The following ECT2L variants were observed in gnomAD, a reference collection of about 807,000 sequenced individuals.
ECT2L encodes epithelial cell-transforming sequence 2 oncogene-like.
Under a neutral mutation model 122.8 loss-of-function variants are expected in ECT2L, and 126 were observed. The ratio of observed to expected loss-of-function variants is 1.03; its 90% confidence interval spans 0.89 to 1.19. The LOEUF is 1.19. ECT2L is among the 50% of genes most tolerant of loss of function. ECT2L has a pLI of 0.00. For synonymous variants in ECT2L, 385 were observed against 381.8 expected (o/e 1.01, Z -0.10); for missense variants, 1,012 against 1,064.1 (o/e 0.95, Z 0.68).
chr6:138,875,117 C>T (rs563011556), intron 13 of ECT2L, among the ~76,000 whole-genome samples: 1 of 152,254 alleles, frequency 6.6e-6, no homozygotes, highest in Admixed American at 6.5e-5. Context: ...AGATCTCCTC[C>T]CTGGCTCCAA....
At chr6:138,882,559 C>T (rs1778677659) in intron 15 of ECT2L, among the ~76,000 whole-genome samples, 165 bp from the exon 16 acceptor site, 1 of 152,210 alleles carries the variant, frequency 6.6e-6, no homozygotes, top group South Asian at 2.1e-4. Context: ...TCCCAGTTCC[C>T]TTTCCTGTCA....
chr6:138,852,673 T>C (rs1777489875), intron 9 of ECT2L, among the ~76,000 whole-genome samples: 1 of 152,188 alleles, frequency 6.6e-6, no homozygotes, highest in South Asian at 2.1e-4. Flanking sequence ...ACCTTACTTC[T>C]GGTTTTCCTT....
At chr6:138,834,873 G>A (rs1776767292) in intron 4 of ECT2L, among the ~76,000 whole-genome samples, 1 of 148,670 alleles carries the variant, frequency 6.7e-6, no homozygotes, top group South Asian at 2.1e-4. Context: ...TACAGGCCCG[G>A]CTCCATTCTT....
intron 14 of ECT2L, among the ~76,000 whole-genome samples, chr6:138,877,188 G>T (rs1296894836): frequency 6.6e-6 from 1 of 152,108 alleles, no homozygotes; most frequent in Non-Finnish European, 1.5e-5. Context: ...CTTCCCTAAG[G>T]CCAGACAATT....
intron 1 of ECT2L, among the ~76,000 whole-genome samples, chr6:138,803,701 T>A (rs1775619132): frequency 6.6e-6 from 1 of 152,160 alleles, no homozygotes; most frequent in African/African-American, 2.4e-5. Context: ...AAATACTAAA[T>A]CACTTGTAAA....
At chr6:138,823,520 T>C in intron 4 of ECT2L, 13 of 1,585,214 alleles carry the variant, frequency 8.2e-6, no homozygotes, top group Non-Finnish European at 1.1e-5. Flanking sequence ...CTTATAACAT[T>C]GTCAAGTTCT....
intron 11 of ECT2L, among the ~76,000 whole-genome samples, chr6:138,863,984 G>T (rs1360826220): frequency 3.2e-5 from 3 of 94,612 alleles, no homozygotes; most frequent in African/African-American, 4.2e-5. Context: ...TCCCTCTCTT[G>T]TTCTCATTCT....
intron 5 of ECT2L, 28 bp downstream of exon 5, chr6:138,838,542 AG>A: frequency 6.3e-7 from 1 of 1,597,362 alleles, no homozygotes; most frequent in African/African-American, 1.3e-5. Context: ...TCCTAGTAAT[AG>A]GGCACAAGTA....
chr6:138,870,976 C>T (rs1778232774), intron 13 of ECT2L, among the ~76,000 whole-genome samples: 1 of 152,118 alleles, frequency 6.6e-6, no homozygotes, highest in South Asian at 2.1e-4. Flanking sequence ...CGGGGAGGTT[C>T]AGTGAGCAGA....
At chr6:138,842,673 G>A (rs867678082) in intron 5 of ECT2L, among the ~76,000 whole-genome samples, 4 of 151,832 alleles carry the variant, frequency 2.6e-5, no homozygotes, top group African/African-American at 7.3e-5. Flanking sequence ...TCTGGAGGCT[G>A]AGGCAGGAGA....
chr6:138,810,609 A>G (rs914061347), intron 1 of ECT2L, among the ~76,000 whole-genome samples: 1 of 152,182 alleles, frequency 6.6e-6, no homozygotes, highest in African/African-American at 2.4e-5. Flanking sequence ...TCTAAAAGAG[A>G]ATGTGATTGT....
At chr6:138,813,472 A>G in intron 3 of ECT2L, 132 bp downstream of exon 3, 1 of 694,498 alleles carries the variant, frequency 1.4e-6, no homozygotes, top group Non-Finnish European at 2.3e-6. Flanking sequence ...TTTAAACAAA[A>G]ATAAACTTAG....
At position 138,861,911 on chromosome 6, in the gene ECT2L, AT is replaced by A. The variant is rs549541979; in HGVS notation, c.1199-715del. ...TTGAGTCAGACTATTTTAGAAAAAA[AT>A]ATATAGATTTTTCTCTTTCTTTGGG... On this transcript the variant is annotated intron_variant, in intron 10 of 21. Transcript: ENST00000541398. Among the ~76,000 whole-genome samples the A allele has an allele frequency of 6.4e-3, 980 of 152,322 alleles. 9 individuals carry two copies. The highest frequency in any genetic ancestry group is 0.022 in the African/African-American group (921 of 41,570).
chr6:138,800,775 CTGTT>C (rs776369308), intron 1 of ECT2L, among the ~76,000 whole-genome samples: 3 of 152,100 alleles, frequency 2.0e-5, no homozygotes, highest in African/African-American at 4.8e-5. Context: ...ATGCATGTCT[CTGTT>C]TGTGCTGCTA....
chr6:138,886,732 T>C, intron 18 of ECT2L, 125 bp from the exon 19 acceptor site: 2 of 729,990 alleles, frequency 2.7e-6, no homozygotes, highest in South Asian at 3.5e-5. Context: ...AATTTGAAAC[T>C]TTCTATTATA....
At chr6:138,833,659 G>T (rs576415278) in intron 4 of ECT2L, among the ~76,000 whole-genome samples, 2 of 151,974 alleles carry the variant, frequency 1.3e-5, no homozygotes, top group Non-Finnish European at 2.9e-5. Context: ...AAAATTAGCC[G>T]GGCTTGGTGG....
At position 138,823,618 on chromosome 6, in the gene ECT2L, T is replaced by C. The variant is rs1432165827; in HGVS notation, c.179+9015T>C. ...ATCGCCATCCAAGTCACAGAAAGCA[T>C]TGCACTCTTTCACAGCTGCCTCAAC... On this transcript the variant is annotated intron_variant, in intron 4 of 21. Transcript: ENST00000541398. 4.1e-5 allele frequency: 58 copies of C among 1,411,428 alleles called. 12 individuals carry two copies. Among genetic ancestry groups the C allele is most frequent in the Non-Finnish European group, 4.1e-5 (43 of 1,045,104 alleles). 87.4% of individuals were successfully genotyped at this position (1,411,428 alleles called of 1,614,324 possible).
At chr6:138,842,888 G>A in intron 5 of ECT2L, 91 bp from the exon 6 acceptor site, 1 of 1,205,738 alleles carries the variant, frequency 8.3e-7, no homozygotes, top group Non-Finnish European at 1.1e-6. Context: ...AAATCTCAGT[G>A]TAATGAAAAA....
At chr6:138,876,585 C>T (rs752935063) in intron 14 of ECT2L, 27 bp downstream of exon 14, 4 of 1,480,058 alleles carry the variant, frequency 2.7e-6, no homozygotes, top group Non-Finnish European at 3.7e-6. Flanking sequence ...TGTAACTTTA[C>T]CATTGGTTTT....
Sources: gnomAD v4.1 joint callset for allele counts (sites outside exome capture counted in the v4.1 genomes callset) on GRCh38, gnomAD v4.1.1 for gene constraint, MANE v1.5 for transcripts, NCBI Gene and HGNC (gene_info 2026-07-23, HGNC 2026-07-21) for gene names.